The following CASR variants were observed in gnomAD, a reference collection of about 807,000 sequenced individuals.
CASR encodes the protein extracellular calcium-sensing receptor.
A neutral mutation model predicts 69.1 loss-of-function variants in CASR; 23 were observed. The ratio of observed to expected loss-of-function variants is 0.33; its 90% CI spans 0.24 to 0.47. CASR has a LOEUF of 0.47. Ranked by LOEUF, CASR falls within the 20% of genes least tolerant of loss-of-function variation. CASR has a pLI of 1.00. For missense variants in CASR, 924 were observed against 1,356.1 expected (o/e 0.68, Z 5.00); for synonymous variants, 541 against 544.7 (o/e 0.99, Z 0.10).
intron 1 of CASR, among the ~76,000 whole-genome samples, chr3:122,206,070 T>C (rs2074003645): frequency 6.6e-6 from 1 of 152,056 alleles, no homozygotes; most frequent in Admixed American, 6.5e-5. Context: ...TTTCTTTCTT[T>C]TGCCTAATTA....
chr3:122,282,768 A>C (rs1170776702), intron 6 of CASR, among the ~76,000 whole-genome samples: 2 of 152,212 alleles, frequency 1.3e-5, no homozygotes, highest in Admixed American at 6.5e-5. Flanking sequence ...TATTAGAAGT[A>C]CTCTATAAAT....
chr3:122,278,823 C>G (rs1377771785), intron 5 of CASR, among the ~76,000 whole-genome samples: 1 of 152,176 alleles, frequency 6.6e-6, no homozygotes, highest in Non-Finnish European at 1.5e-5. Context: ...TGACCTTCAG[C>G]CTGTTCCTTA....
chr3:122,261,038 C>T (rs1559958481), intron 3 of CASR, among the ~76,000 whole-genome samples: 1 of 152,196 alleles, frequency 6.6e-6, no homozygotes, highest in Non-Finnish European at 1.5e-5. Context: ...AACCCGATTC[C>T]TTCCACAGGC....
At chr3:122,267,052 T>A (rs1290789330) in intron 4 of CASR, among the ~76,000 whole-genome samples, 1 of 152,224 alleles carries the variant, frequency 6.6e-6, no homozygotes, top group Non-Finnish European at 1.5e-5. Flanking sequence ...CGGGCAGATA[T>A]CTAAATTATC....
chr3:122,237,236 A>G (rs372316609), intron 1 of CASR, among the ~76,000 whole-genome samples: 111 of 151,870 alleles, frequency 7.3e-4, no homozygotes, highest in African/African-American at 2.5e-3. Flanking sequence ...CAGCCTCCCA[A>G]GTAGCTGGGA....
chr3:122,186,615 G>A (rs897394814), intron 1 of CASR, among the ~76,000 whole-genome samples: 1 of 152,136 alleles, frequency 6.6e-6, no homozygotes, highest in Non-Finnish European at 1.5e-5. Context: ...GCAGCTGTTA[G>A]GAAAATAAAT....
chr3:122,278,915 A>G (rs772551316), intron 5 of CASR, among the ~76,000 whole-genome samples: 14 of 152,182 alleles, frequency 9.2e-5, no homozygotes, highest in Non-Finnish European at 1.9e-4. Context: ...TTCTTTAAAA[A>G]TAGAACTCTA....
At chr3:122,235,991 C>G (rs774015039) in intron 1 of CASR, among the ~76,000 whole-genome samples, 22 of 152,306 alleles carry the variant, frequency 1.4e-4, no homozygotes, top group African/African-American at 5.3e-4. Flanking sequence ...GGATGGGATT[C>G]GTGTTTCTAA....
chr3:122,285,473 T>C lies in CASR; in HGVS notation c.*282T>C, dbSNP rs563467587. On this transcript the variant is annotated 3_prime_UTR_variant, in exon 7 of 7. Coordinates refer to ENST00000639785, the MANE Select transcript of CASR (RefSeq NM_000388.4). ...CACCCACATCTAATGTCTCTTCCTC[T>C]GTTCTATCCCACCCAACAGCTCAGA... is the stretch of plus-strand genomic sequence containing the variant. 4.7e-6 allele frequency: 2 copies of C among 422,374 alleles called. No individual in the cohort carries two copies. The highest frequency in any genetic ancestry group is 4.0e-5 in the African/African-American group (2 of 49,748). 26.2% of individuals were successfully genotyped at this position (422,374 alleles called of 1,614,324 possible). A position where few individuals can be genotyped will look rare whatever the true frequency, so the allele number is the denominator to read the frequency against.
chr3:122,211,175 C>T (rs889309329), intron 1 of CASR, among the ~76,000 whole-genome samples: 3 of 152,044 alleles, frequency 2.0e-5, no homozygotes, highest in Admixed American at 6.6e-5. Context: ...GACATAGGCA[C>T]GGGCAAAGAT....
Position 122,257,363 on chromosome 3 carries a change from G to T in CASR, c.468G>T (p.Leu156=). ...GSGVSTAVAN[L]LGLFYIPQVS... Reference sequence around the variant, plus strand: ...GCGTCTCCACGGCAGTGGCAAATCTGCTGGGGCTCTTCTACATTCCCCAGG... The same window carrying T: ...GCGTCTCCACGGCAGTGGCAAATCTTCTGGGGCTCTTCTACATTCCCCAGG... Residue 156 remains leucine, a synonymous_variant, in exon 3 of 7, where the codon CTG becomes CTT. Transcript: ENST00000639785. The T allele has an allele frequency of 6.2e-7, 1 of 1,613,996 alleles. No homozygotes were observed. Among genetic ancestry groups the T allele is most frequent in the Non-Finnish European group, 8.5e-7 (1 of 1,179,932 alleles).
intron 1 of CASR, among the ~76,000 whole-genome samples, chr3:122,245,194 T>A (rs1023517172): frequency 1.3e-5 from 2 of 152,178 alleles, no homozygotes; most frequent in Admixed American, 1.3e-4. Context: ...GAATGCTCCA[T>A]AAATACTTGT....
At chr3:122,194,231 G>T (rs192790171) in intron 1 of CASR, among the ~76,000 whole-genome samples, 3 of 152,020 alleles carry the variant, frequency 2.0e-5, no homozygotes, top group South Asian at 2.1e-4. Flanking sequence ...AAATATACTC[G>T]CACAGCCCAC....
At chr3:122,190,908 G>T (rs924603513) in intron 1 of CASR, among the ~76,000 whole-genome samples, 4 of 152,210 alleles carry the variant, frequency 2.6e-5, no homozygotes, top group African/African-American at 9.6e-5. Flanking sequence ...GGTACTGAAA[G>T]GTTGGCTTGC....
intron 1 of CASR, among the ~76,000 whole-genome samples, chr3:122,238,945 G>C (rs1383378776): frequency 2.0e-5 from 3 of 152,204 alleles, no homozygotes; most frequent in Non-Finnish European, 4.4e-5. Flanking sequence ...AGTGTGCCAT[G>C]GGCTTTGGGT....
chr3:122,195,449 G>A (rs976718164), intron 1 of CASR, among the ~76,000 whole-genome samples: 2 of 152,082 alleles, frequency 1.3e-5, no homozygotes, highest in Non-Finnish European at 2.9e-5. Context: ...TGTTCTTGAT[G>A]GTTTCCTTTG....
chr3:122,232,155 T>G (rs559251091), intron 1 of CASR, among the ~76,000 whole-genome samples: 1 of 152,310 alleles, frequency 6.6e-6, no homozygotes, highest in African/African-American at 2.4e-5. Flanking sequence ...TCCCTTTTTT[T>G]TATTGTACTA....
At chr3:122,229,960 C>G (rs1326143737) in intron 1 of CASR, among the ~76,000 whole-genome samples, 3 of 152,332 alleles carry the variant, frequency 2.0e-5, no homozygotes, top group African/African-American at 7.2e-5. Flanking sequence ...GCTAACACTG[C>G]TAGTGTGTGG....
At chr3:122,202,483 G>GAGAGGA (rs1228256948) in intron 1 of CASR, among the ~76,000 whole-genome samples, 2 of 151,776 alleles carry the variant, frequency 1.3e-5, no homozygotes, top group Non-Finnish European at 2.9e-5. Context: ...AGACCGTGGG[G>GAGAGGA]AGAGGGAGAG....
Sources: gnomAD v4.1 joint callset for allele counts (sites outside exome capture counted in the v4.1 genomes callset) on GRCh38, gnomAD v4.1.1 for gene constraint, MANE v1.5 for transcripts, NCBI Gene and HGNC (gene_info 2026-07-23, HGNC 2026-07-21) for gene names.